Variants in MBTPS2 observed in about 807,000 individuals in gnomAD.
MBTPS2 encodes the protein membrane bound transcription factor peptidase, site 2, also known as membrane-bound transcription factor site-2 protease.
A neutral mutation model predicts 35.4 loss-of-function variants in MBTPS2; 2 were observed. The ratio of observed to expected loss-of-function variants is 0.06; its 90% confidence interval spans 0.02 to 0.18. The LOEUF (loss-of-function observed/expected upper bound fraction) is 0.18. Among genes scored for constraint, MBTPS2 ranks in the 10% least tolerant of loss-of-function variants. The pLI is 1.00. For synonymous variants in MBTPS2, 125 were observed against 140.4 expected (o/e 0.89, Z 0.77); for missense variants, 244 against 386.5 (o/e 0.63, Z 3.09).
chrX:21,859,243 G>C (rs987027470), intron 5 of MBTPS2, among the ~76,000 whole-genome samples: 17 of 109,191 alleles, frequency 1.6e-4, no homozygotes, highest in African/African-American at 5.7e-4. Context: ...ATAAGTCTAT[G>C]TATGGTTTTT....
intron 5 of MBTPS2, among the ~76,000 whole-genome samples, chrX:21,858,936 G>A (rs1334561877): frequency 9.6e-6 from 1 of 104,073 alleles, no homozygotes; most frequent in Non-Finnish European, 2.0e-5. Context: ...GCTGGGCGCA[G>A]GGCTCCTGCT....
At chrX:21,859,410 A>G (rs1375435460) in intron 5 of MBTPS2, among the ~76,000 whole-genome samples, 13 of 83,614 alleles carry the variant, frequency 1.6e-4, no homozygotes, top group Admixed American at 4.6e-4. Context: ...TTTTAGCTGT[A>G]TTAGGTCATG....
At chrX:21,865,707 G>C (rs1261444267) in intron 5 of MBTPS2, among the ~76,000 whole-genome samples, 1 of 112,311 alleles carries the variant, frequency 8.9e-6, no homozygotes, top group African/African-American at 3.2e-5. Flanking sequence ...AGTTATTCAA[G>C]GAATATTGAG....
At chrX:21,871,551 C>T (rs1195924661) in intron 7 of MBTPS2, 3 of 111,562 alleles carry the variant, frequency 2.7e-5, no homozygotes, top group African/African-American at 9.7e-5. Context: ...TCATTAAACA[C>T]GACCACAATA....
intron 7 of MBTPS2, chrX:21,872,877 G>A (rs764847609): frequency 1.8e-3 from 194 of 107,674 alleles, no homozygotes; most frequent in African/African-American, 6.2e-3. Context: ...ATTTAAGAAA[G>A]CTATGGATTG....
chrX:21,868,628 T>C (rs2092943459), intron 6 of MBTPS2, 43 bp downstream of exon 6: 1 of 883,449 alleles, frequency 1.1e-6, no homozygotes, highest in African/African-American at 2.0e-5. Flanking sequence ...TCAGATGTTG[T>C]GATGTAATAC....
chrX:21,857,237 C>T, intron 5 of MBTPS2: 8 of 1,211,749 alleles, frequency 6.6e-6, no homozygotes, highest in Non-Finnish European at 8.9e-6. Context: ...GAGAACCTCC[C>T]AAAACAGTCC....
chrX:21,847,090 G>A (rs1229580465), intron 3 of MBTPS2, among the ~76,000 whole-genome samples: 1 of 111,681 alleles, frequency 9.0e-6, no homozygotes, highest in Non-Finnish European at 1.9e-5. Context: ...TTACACAATT[G>A]GTTCTTGTTC....
Position 21,878,614 on chromosome X carries a change from A to G in MBTPS2, c.1183A>G (p.Thr395Ala). The change falls in exon 9 of 11, where the codon ACT (threonine) becomes GCT (alanine). Residue 395 changes from threonine to alanine, a missense_variant. Coordinates refer to ENST00000379484, the MANE Select transcript of MBTPS2 (RefSeq NM_015884.4). ...TATAATACCTTCTTTGGAAACTCAC[A>G]CTCGCTTAATAAAAGTAAAACACCC... is the stretch of plus-strand genomic sequence containing the variant. ...FCIIPSLETH[T>A]RLIKVKHPPQ... is the part of the protein sequence containing the mutation. 1.7e-6 allele frequency: 2 copies of G among 1,206,000 alleles called. No individual in the cohort carries two copies. The highest frequency in any genetic ancestry group is 2.2e-6 in the Non-Finnish European group (2 of 890,682).
chrX:21,839,916 C>T, intron 1 of MBTPS2, 107 bp downstream of exon 1: 1 of 757,061 alleles, frequency 1.3e-6, no homozygotes. Context: ...ACGGTGCCCA[C>T]GTGCGACAGT....
chrX:21,860,608 G>GA (rs1184120419), intron 5 of MBTPS2, among the ~76,000 whole-genome samples: 1 of 111,796 alleles, frequency 8.9e-6, no homozygotes, highest in Non-Finnish European at 1.9e-5. Context: ...GGTAAATCCA[G>GA]AATCAGAGGG....
At chrX:21,876,035 G>A (rs2092952668) in intron 7 of MBTPS2, among the ~76,000 whole-genome samples, 1 of 111,903 alleles carries the variant, frequency 8.9e-6, no homozygotes, top group South Asian at 3.7e-4. Context: ...GAAAAATGAG[G>A]AGGAGGTAAA....
At chrX:21,862,180 G>C (rs373768251) in intron 5 of MBTPS2, among the ~76,000 whole-genome samples, 1 of 110,242 alleles carries the variant, frequency 9.1e-6, no homozygotes, top group Non-Finnish European at 1.9e-5. Context: ...CCCATACCCC[G>C]CCCCATAAGG....
intron 4 of MBTPS2, among the ~76,000 whole-genome samples, chrX:21,853,109 A>G (rs1170138947): frequency 9.0e-6 from 1 of 111,247 alleles, no homozygotes; most frequent in Non-Finnish European, 1.9e-5. Context: ...TTTGCTCAAC[A>G]TATTGGTTTC....
Position 21,880,928 on chromosome X carries a change from C to T in MBTPS2, c.1293C>T (p.Asn431=), listed in dbSNP as rs770410680. 8.3e-7 allele frequency: 1 copy of T among 1,204,684 alleles called. No individual in the cohort carries two copies. The highest frequency in any genetic ancestry group is 2.2e-5 in the Admixed American group (1 of 46,023). The change falls in exon 10 of 11, where the codon AAC becomes AAT. Residue 431 remains asparagine (N), a synonymous_variant. Transcript: ENST00000379484. ...VSITSFIPRF[N]FLSIDLPVVV... is the part of the protein sequence containing the mutation. ...TCACCAGTTTTATCCCACGTTTTAA[C>T]TTTCTAAGCATAGATCTGCCAGTGG...
chrX:21,854,489 A>G (rs942251887), intron 5 of MBTPS2, among the ~76,000 whole-genome samples: 1 of 112,462 alleles, frequency 8.9e-6, no homozygotes, highest in African/African-American at 3.2e-5. Flanking sequence ...AAAAATAATG[A>G]AAGTAAAATG....
chrX:21,867,384 T>G (rs1315400517), intron 5 of MBTPS2, among the ~76,000 whole-genome samples: 1 of 111,622 alleles, frequency 9.0e-6, no homozygotes, highest in Non-Finnish European at 1.9e-5. Context: ...TTCCAAATGG[T>G]AAAAGATTTA....
intron 2 of MBTPS2, 118 bp from the exon 3 acceptor site, chrX:21,845,053 G>C: frequency 6.4e-6 from 7 of 1,102,232 alleles, no homozygotes; most frequent in Non-Finnish European, 8.7e-6. Context: ...AAGAAGCAGA[G>C]TTACTGAAAT....
chrX:21,854,795 AT>A (rs1236808422), intron 5 of MBTPS2, among the ~76,000 whole-genome samples: 2 of 112,015 alleles, frequency 1.8e-5, no homozygotes, highest in Admixed American at 1.9e-4. Flanking sequence ...AGAAGACAAT[AT>A]TTTTTCAAGT....
Sources: allele counts gnomAD v4.1 joint callset (sites outside exome capture counted in the v4.1 genomes callset), GRCh38; gene constraint gnomAD v4.1.1; transcripts MANE v1.5; gene names NCBI Gene and HGNC (gene_info 2026-07-23, HGNC 2026-07-21).